The following LINGO2 variants were observed in gnomAD, a reference collection of about 807,000 sequenced individuals.
LINGO2 encodes the protein leucine-rich repeat and immunoglobulin-like domain-containing nogo receptor-interacting protein 2.
In LINGO2, 14 loss-of-function variants were observed where a neutral mutation model predicts 30.6. That is an observed-to-expected ratio of 0.46 (90% CI 0.30 to 0.72). The LOEUF (loss-of-function observed/expected upper bound fraction) is 0.72. Ranked by LOEUF, LINGO2 falls within the 30% of genes least tolerant of loss-of-function variation. LINGO2 has a pLI of 0.07. For missense variants in LINGO2, 729 were observed against 751.7 expected (o/e 0.97, Z 0.35); for synonymous variants, 317 against 288.5 (o/e 1.10, Z -1.00).
At chr9:28,207,265 C>T (rs1254299343) in intron 4 of LINGO2, among the ~76,000 whole-genome samples, 1 of 151,994 alleles carries the variant, frequency 6.6e-6, no homozygotes, top group Non-Finnish European at 1.5e-5. Context: ...TTCCAATTTC[C>T]CACTGTAAAC....
In LINGO2 at chr9:28,129,395, T is replaced by C. The variant is rs933080526; in HGVS notation, c.-86-116990A>G. 6.6e-6 allele frequency among the ~76,000 whole-genome samples: 1 copy of C among 152,190 alleles called. No homozygotes were observed. Among genetic ancestry groups the C allele is most frequent in the African/African-American group, 2.4e-5 (1 of 41,458 alleles). ...CATAGCTCCTGAGAAGCTGAGGCCC[T>C]GACTCATTTTTCTAGCATGGCATTT... On this transcript the variant is annotated intron_variant, in intron 4 of 5. Transcript: ENST00000379992. The surrounding 1 kb of genome is among the most constrained non-coding windows in gnomAD (Gnocchi z 4.0).
chr9:28,445,852 A>G (rs904489112), intron 2 of LINGO2, among the ~76,000 whole-genome samples: 12 of 152,142 alleles, frequency 7.9e-5, no homozygotes, highest in African/African-American at 2.9e-4. Context: ...GTTAACCCAG[A>G]AGGGGGAAAA....
the LINGO2 span, among the ~76,000 whole-genome samples, chr9:28,897,998 C>T: frequency 6.6e-6 from 1 of 151,952 alleles, no homozygotes; most frequent in Non-Finnish European, 1.5e-5. Context: ...CAGAAGAGGA[C>T]AAAGGATTCT....
At chr9:28,824,294 C>G in the LINGO2 span, among the ~76,000 whole-genome samples, 8 of 152,106 alleles carry the variant, frequency 5.3e-5, no homozygotes, top group Non-Finnish European at 1.5e-5. Context: ...ATATCTGTTT[C>G]TAGACCCTGA....
At chr9:28,625,083 C>T (rs7857171) in intron 1 of LINGO2, among the ~76,000 whole-genome samples, 37,277 of 151,706 alleles carry the variant, frequency 0.25, 5,647 homozygotes, top group African/African-American at 0.41. Flanking sequence ...TTCTAGACTT[C>T]CTTTCAAGTG....
At chr9:28,991,642 G>T in the LINGO2 span, among the ~76,000 whole-genome samples, 1 of 149,836 alleles carries the variant, frequency 6.7e-6, no homozygotes, top group Non-Finnish European at 1.5e-5. Context: ...ACAAAGGGAA[G>T]CCCATCAGAC....
chr9:28,970,489 T>C, the LINGO2 span, among the ~76,000 whole-genome samples: 1 of 151,984 alleles, frequency 6.6e-6, no homozygotes, highest in African/African-American at 2.4e-5. Context: ...AATGAAGAGG[T>C]AGAAAAAATC....
At chr9:28,256,443 G>A (rs1021288140) in intron 4 of LINGO2, among the ~76,000 whole-genome samples, 4 of 151,842 alleles carry the variant, frequency 2.6e-5, no homozygotes, top group Non-Finnish European at 5.9e-5. Context: ...AGATAGGAAA[G>A]TTTTCTGCTA....
intron 2 of LINGO2, among the ~76,000 whole-genome samples, chr9:28,395,062 C>T (rs578042540): frequency 6.6e-6 from 1 of 152,286 alleles, no homozygotes; most frequent in Admixed American, 6.5e-5. Flanking sequence ...AAAACTTAGA[C>T]ATTCTTGTTT....
At chr9:29,213,133 C>T in the LINGO2 span, among the ~76,000 whole-genome samples, 3 of 152,156 alleles carry the variant, frequency 2.0e-5, no homozygotes, top group African/African-American at 7.2e-5. Context: ...CCGGGACCAC[C>T]TTCCCGGCAC....
intron 5 of LINGO2, among the ~76,000 whole-genome samples, chr9:27,956,566 T>C (rs1819580103): frequency 6.6e-6 from 1 of 152,170 alleles, no homozygotes; most frequent in Non-Finnish European, 1.5e-5. Context: ...ATTTTAACAT[T>C]TTTTTAATGA....
intron 5 of LINGO2, among the ~76,000 whole-genome samples, chr9:27,983,483 T>C (rs1820979842): frequency 1.3e-5 from 2 of 151,860 alleles, no homozygotes; most frequent in Non-Finnish European, 2.9e-5. Context: ...TCCTACCATG[T>C]ACCAGGACCC....
At position 27,962,671 on chromosome 9, in the gene LINGO2, T is replaced by C. The variant is rs200836192; in HGVS notation, c.-35-11965A>G. On this transcript the variant is annotated intron_variant, in intron 5 of 5. Transcript: ENST00000379992. Reference sequence around the variant, plus strand: ...TGCTTTGTTATTCTCCTCACAAATATTTCTCAGTTTTAGCCCAGAAGGCAA... The same window carrying C: ...TGCTTTGTTATTCTCCTCACAAATACTTCTCAGTTTTAGCCCAGAAGGCAA... 2.6e-5 allele frequency among the ~76,000 whole-genome samples: 4 copies of C among 152,146 alleles called. No individual in the cohort carries two copies. The East Asian group carries it at 7.7e-4, about 29-fold the overall frequency.
chr9:28,060,789 G>A (rs769201349), intron 4 of LINGO2, among the ~76,000 whole-genome samples: 2 of 152,112 alleles, frequency 1.3e-5, no homozygotes, highest in African/African-American at 2.4e-5. Context: ...AATTTAAGAC[G>A]GAAGTCCAAA....
chr9:28,435,689 T>C (rs1478666719), intron 2 of LINGO2, among the ~76,000 whole-genome samples: 1 of 152,202 alleles, frequency 6.6e-6, no homozygotes, highest in Non-Finnish European at 1.5e-5. Context: ...AATGACAATA[T>C]CCCTTCCTGG....
intron 1 of LINGO2, among the ~76,000 whole-genome samples, chr9:28,509,284 C>T (rs975771307): frequency 6.6e-6 from 1 of 152,134 alleles, no homozygotes; most frequent in Non-Finnish European, 1.5e-5. Flanking sequence ...TTCGCTCGGA[C>T]ATGAAAAATC....
At chr9:29,055,949 C>CACACATAT in the LINGO2 span, among the ~76,000 whole-genome samples, 1 of 123,140 alleles carries the variant, frequency 8.1e-6, no homozygotes, top group Non-Finnish European at 1.7e-5. Context: ...TGTATATATA[C>CACACATAT]ATATATATGT....
intron 3 of LINGO2, among the ~76,000 whole-genome samples, chr9:28,305,271 A>G (rs1038058523): frequency 2.0e-5 from 3 of 152,074 alleles, no homozygotes; most frequent in African/African-American, 4.8e-5. Flanking sequence ...CTAATATTAT[A>G]CTTGATGAAA....
the LINGO2 span, among the ~76,000 whole-genome samples, chr9:28,982,849 A>C: frequency 6.6e-6 from 1 of 152,056 alleles, no homozygotes. Flanking sequence ...ATAATATATA[A>C]CTAAGCTTTC....
Sources: allele counts gnomAD v4.1 joint callset (sites outside exome capture counted in the v4.1 genomes callset), GRCh38; gene constraint gnomAD v4.1.1; non-coding constraint Gnocchi (gnomAD v3.1); transcripts MANE v1.5; gene names NCBI Gene and HGNC (gene_info 2026-07-23, HGNC 2026-07-21).